Variants in DOP1A observed in about 807,000 individuals in gnomAD.
The protein encoded by DOP1A is protein DOP1A.
DOP1A carries 90 observed loss-of-function variants against 267.6 expected under a neutral mutation model. The observed-to-expected ratio is 0.34, with a 90% CI of 0.28 to 0.40. The LOEUF is 0.40. Ranked by LOEUF, DOP1A falls within the 10% of genes least tolerant of loss-of-function variation. The pLI, the probability that DOP1A is intolerant of heterozygous loss-of-function variation, is 1.00. For synonymous variants in DOP1A, 932 were observed against 999.1 expected (o/e 0.93, Z 1.27); for missense variants, 2,437 against 2,900.4 (o/e 0.84, Z 3.67).
intron 1 of DOP1A, among the ~76,000 whole-genome samples, chr6:83,084,361 T>C (rs1391269545): frequency 7.5e-6 from 1 of 132,994 alleles, no homozygotes; most frequent in Non-Finnish European, 1.8e-5. Context: ...CCATTATGTC[T>C]GTTTAAGCAT....
chr6:83,105,126 T>C (rs1198171603), intron 4 of DOP1A, among the ~76,000 whole-genome samples: 1 of 152,052 alleles, frequency 6.6e-6, no homozygotes, highest in Non-Finnish European at 1.5e-5. Context: ...ACATATATAC[T>C]CTCCAAAAAA....
At chr6:83,147,125 C>A in intron 25 of DOP1A, 111 bp from the exon 26 acceptor site, 1 of 448,752 alleles carries the variant, frequency 2.2e-6, no homozygotes, top group Non-Finnish European at 3.9e-6. Flanking sequence ...TGATTTTGTT[C>A]TTTCAATTTT....
chr6:83,096,033 G>C (rs903373057), intron 1 of DOP1A, among the ~76,000 whole-genome samples: 3 of 152,142 alleles, frequency 2.0e-5, no homozygotes, highest in Non-Finnish European at 4.4e-5. Flanking sequence ...TGAGAAATGA[G>C]TCACAAAGTT....
intron 27 of DOP1A, 94 bp from the exon 28 acceptor site, chr6:83,151,499 C>A: frequency 2.3e-6 from 2 of 875,402 alleles, no homozygotes; most frequent in South Asian, 1.9e-5. Flanking sequence ...AAATCAAGAC[C>A]ATTAAGCCGC....
intron 1 of DOP1A, among the ~76,000 whole-genome samples, chr6:83,074,248 G>C (rs1286310000): frequency 1.3e-5 from 2 of 152,028 alleles, no homozygotes; most frequent in Non-Finnish European, 1.5e-5. Context: ...TGGGAGGGGG[G>C]TATGATTCTG....
chr6:83,164,210 G>GA (rs1334900359), intron 38 of DOP1A, among the ~76,000 whole-genome samples: 4 of 150,588 alleles, frequency 2.7e-5, no homozygotes, highest in African/African-American at 9.8e-5. Context: ...ATGGAATGAA[G>GA]AAAGTGATTA....
intron 1 of DOP1A, among the ~76,000 whole-genome samples, chr6:83,089,386 G>A (rs1478305034): frequency 6.6e-6 from 1 of 152,150 alleles, no homozygotes; most frequent in Non-Finnish European, 1.5e-5. Context: ...AACTTGCCCA[G>A]AGAAATCTAC....
chr6:83,158,377 C>T (rs1369382684), intron 35 of DOP1A, among the ~76,000 whole-genome samples, 190 bp from the exon 36 acceptor site: 1 of 152,186 alleles, frequency 6.6e-6, no homozygotes. Flanking sequence ...CACTGGATTT[C>T]ACCAAATGAT....
At position 83,086,976 on chromosome 6, in the gene DOP1A, C is replaced by T. The variant is rs1394380546; in HGVS notation, c.-146-9755C>T. Among the ~76,000 whole-genome samples, 3 of 152,092 alleles carry T rather than the reference C, an allele frequency of 2.0e-5. No homozygotes were observed. In the East Asian group the frequency reaches 5.8e-4, roughly 29 times the overall value. On this transcript the variant is annotated intron_variant, in intron 1 of 38. Coordinates refer to ENST00000349129, the MANE Select transcript of DOP1A (RefSeq NM_015018.4). The stretch of plus-strand genomic sequence containing the variant: ...CGGGGGGTAGACTTTAGGCTGTAGA[C>T]AGGAAAAGAAACTGATAGTATTGAA...
chr6:83,164,532 C>A, intron 38 of DOP1A: 1 of 913,316 alleles, frequency 1.1e-6, no homozygotes, highest in Non-Finnish European at 1.7e-6. Flanking sequence ...AAATTTGTCC[C>A]ACAGAATAAG....
chr6:83,167,626 T>G, intron 38 of DOP1A: 3 of 1,225,494 alleles, frequency 2.4e-6, no homozygotes, highest in Non-Finnish European at 3.1e-6. Flanking sequence ...ACTAAGCTTA[T>G]CTGCGCATTC....
In DOP1A at chr6:83,092,962, G is replaced by C. The variant is rs548757094; in HGVS notation, c.-146-3769G>C. On this transcript the variant is annotated intron_variant, in intron 1 of 38. Coordinates refer to ENST00000349129, the MANE Select transcript of DOP1A (RefSeq NM_015018.4). ...ATTTTTCATGTAATATTTCCAGACTGTGGTTGGTTGAGGTTAACTGAAACC... is the reference window on the plus strand; with the variant it reads ...ATTTTTCATGTAATATTTCCAGACTCTGGTTGGTTGAGGTTAACTGAAACC... Among the ~76,000 whole-genome samples the C allele has an allele frequency of 2.6e-5, 4 of 152,292 alleles. No individual in the cohort carries two copies. The East Asian group carries it at 5.8e-4, about 22-fold the overall frequency.
chr6:83,146,348 TATG>T (rs1426229168), intron 25 of DOP1A, among the ~76,000 whole-genome samples: 2 of 152,228 alleles, frequency 1.3e-5, no homozygotes, highest in African/African-American at 4.8e-5. Context: ...TTTAAAGAAT[TATG>T]ATATATATCT....
intron 6 of DOP1A, among the ~76,000 whole-genome samples, chr6:83,112,721 C>G (rs1000490765): frequency 2.0e-5 from 3 of 152,138 alleles, no homozygotes; most frequent in Admixed American, 6.5e-5. Flanking sequence ...CCTTAGCCTC[C>G]CAAAGTGCTG....
chr6:83,167,650 T>C, intron 38 of DOP1A: 2 of 1,282,498 alleles, frequency 1.6e-6, no homozygotes, highest in Non-Finnish European at 2.0e-6. Context: ...TTGGGAACTA[T>C]TACTACAATG....
At position 83,168,453 on chromosome 6, in the gene DOP1A, A is replaced by G; in HGVS notation, c.*286A>G. On this transcript the variant is annotated 3_prime_UTR_variant, in exon 39 of 39. Coordinates refer to ENST00000349129, the MANE Select transcript of DOP1A (RefSeq NM_015018.4). Reference sequence around the variant, plus strand: ...GTTGTCTTAAACCTGCAAAATATACACTACCCATTTTTTTTTTCCATTGGT... The same window carrying G: ...GTTGTCTTAAACCTGCAAAATATACGCTACCCATTTTTTTTTTCCATTGGT... 1 of 1,076,028 alleles carries G rather than the reference A, an allele frequency of 9.3e-7. No homozygotes were observed. The highest frequency in any genetic ancestry group is 4.3e-4 in the Middle Eastern group (1 of 2,350). The allele number at this position is 1,076,028 out of a possible 1,614,324, so 66.7% of individuals were successfully genotyped here.
rs777161677 is a variant in DOP1A, at chr6:83,124,695, G to C, written c.1341-10G>C. On this transcript the variant is annotated splice_polypyrimidine_tract_variant and intron_variant, in intron 12 of 38. Transcript: ENST00000349129. ...CAGTATACTTAATAAAGTGAATTTTGTCCTTTTAGGAGGACACTGCATGTG... is the reference window on the plus strand; with the variant it reads ...CAGTATACTTAATAAAGTGAATTTTCTCCTTTTAGGAGGACACTGCATGTG... The C allele has an allele frequency of 1.3e-5, 21 of 1,601,054 alleles. No individual in the cohort carries two copies. The South Asian group carries it at 2.2e-4, about 17-fold the overall frequency.
chr6:83,099,680 A>ATGTGTGTG lies in DOP1A; in HGVS notation c.139-1003_139-996dup, dbSNP rs373165064. Among the ~76,000 whole-genome samples, 1,283 of 138,980 alleles carry ATGTGTGTG rather than the reference A, an allele frequency of 9.2e-3. 25 individuals are homozygous for ATGTGTGTG. The highest frequency in any genetic ancestry group is 0.031 in the African/African-American group (1,180 of 38,366). 91.2% of individuals were successfully genotyped at this position (138,980 alleles called of 152,430 possible). A position where few individuals can be genotyped will look rare whatever the true frequency, so the allele number is the denominator to read the frequency against. ...TGATAGAACAAGGCAAGGATTGCAT[A>ATGTGTGTG]TGTGTGTGTGTGTGTGTGTGTGTGT... is the stretch of plus-strand genomic sequence containing the variant. On this transcript the variant is annotated intron_variant, in intron 3 of 38. Coordinates refer to ENST00000349129, the MANE Select transcript of DOP1A (RefSeq NM_015018.4).
chr6:83,125,777 T>A (rs760326468), intron 15 of DOP1A, 44 bp downstream of exon 15: 34 of 1,493,360 alleles, frequency 2.3e-5, no homozygotes, highest in Non-Finnish European at 2.8e-6. Flanking sequence ...TTCATATTTC[T>A]TCAAAGCAGA....
Sources: allele counts gnomAD v4.1 joint callset (sites outside exome capture counted in the v4.1 genomes callset), GRCh38; gene constraint gnomAD v4.1.1; transcripts MANE v1.5; gene names NCBI Gene and HGNC (gene_info 2026-07-23, HGNC 2026-07-21).